Variants in PTPRD observed in about 807,000 individuals in gnomAD.
The protein encoded by PTPRD is receptor-type tyrosine-protein phosphatase delta.
Under a neutral mutation model 214.5 loss-of-function variants are expected in PTPRD, and 34 were observed. That is an observed-to-expected ratio of 0.16 (90% CI 0.12 to 0.21). The LOEUF is 0.21. Ranked by LOEUF, PTPRD falls within the 10% of genes least tolerant of loss-of-function variation. The pLI, the probability that PTPRD is intolerant of heterozygous loss-of-function variation, is 1.00. For synonymous variants in PTPRD, 1,128 were observed against 845.7 expected (o/e 1.33, Z -5.79); for missense variants, 2,545 against 2,398.7 (o/e 1.06, Z -1.27).
chr9:9,620,914 G>C lies in PTPRD; in HGVS notation c.-286-46133C>G, dbSNP rs145905755. On this transcript the variant is annotated intron_variant, in intron 7 of 45. Coordinates refer to ENST00000381196, the MANE Select transcript of PTPRD (RefSeq NM_002839.4). Reference sequence around the variant, plus strand: ...CATTAGTAGGCAAGGAAATGATATGGTACTTGGCCAACGAGGTAATAGCCT... The same window carrying C: ...CATTAGTAGGCAAGGAAATGATATGCTACTTGGCCAACGAGGTAATAGCCT... Among the ~76,000 whole-genome samples the C allele has an allele frequency of 7.4e-4, 113 of 152,066 alleles. 1 individual carries two copies. Among genetic ancestry groups the C allele is most frequent in the Admixed American group, 1.4e-3 (22 of 15,278 alleles).
chr9:9,903,275 G>A (rs981502044), intron 5 of PTPRD, among the ~76,000 whole-genome samples: 1 of 151,802 alleles, frequency 6.6e-6, no homozygotes, highest in African/African-American at 2.4e-5. Context: ...TTCTAATATT[G>A]TATGTGATGA....
intron 7 of PTPRD, 120 bp downstream of exon 7, chr9:9,734,413 G>A (rs2098256224): frequency 6.6e-6 from 1 of 151,368 alleles, no homozygotes; most frequent in Non-Finnish European, 1.5e-5. Context: ...ATGGAAATGA[G>A]GGGAGATTTT....
At chr9:10,377,188 G>C (rs1056525980) in intron 2 of PTPRD, among the ~76,000 whole-genome samples, 1 of 151,810 alleles carries the variant, frequency 6.6e-6, no homozygotes, top group Non-Finnish European at 1.5e-5. Flanking sequence ...ATTTCACTTA[G>C]CATAATGATC....
chr9:8,978,420 CAATAAATATCCACGGAATGAACT>C (rs2154338428), intron 11 of PTPRD, among the ~76,000 whole-genome samples: 1 of 152,164 alleles, frequency 6.6e-6, no homozygotes, highest in Admixed American at 6.5e-5. Context: ...ATTGGGCTCT[CAATAAATATCCACGGAATGAACT>C]ATTGGGAAAC....
intron 9 of PTPRD, among the ~76,000 whole-genome samples, chr9:9,188,808 TTGTGTGTGTGTGTGTG>T (rs5896310): frequency 2.0e-4 from 29 of 148,510 alleles, no homozygotes; most frequent in African/African-American, 6.2e-4. Flanking sequence ...GCAAAATAAA[TTGTGTGTGTGTGTGTG>T]TGTGTGTGTG....
intron 12 of PTPRD, among the ~76,000 whole-genome samples, chr9:8,642,536 G>T (rs1373738091): frequency 6.6e-6 from 1 of 152,130 alleles, no homozygotes; most frequent in Non-Finnish European, 1.5e-5. Flanking sequence ...TTTATGAGAA[G>T]ATCAGCTGAA....
chr9:8,414,392 C>CA (rs1483846186), intron 35 of PTPRD, among the ~76,000 whole-genome samples: 5 of 152,138 alleles, frequency 3.3e-5, no homozygotes, highest in Non-Finnish European at 7.3e-5. Flanking sequence ...GGCTACTTGC[C>CA]AATGACAGTT....
chr9:9,470,772 A>T (rs2094532027), intron 8 of PTPRD, among the ~76,000 whole-genome samples: 2 of 152,188 alleles, frequency 1.3e-5, no homozygotes, highest in African/African-American at 4.8e-5. Flanking sequence ...AGCCTCCTTC[A>T]TCATTTGTCT....
intron 9 of PTPRD, among the ~76,000 whole-genome samples, chr9:9,250,762 A>AAACCAT (rs2099975147): frequency 6.6e-6 from 1 of 152,096 alleles, no homozygotes; most frequent in African/African-American, 2.4e-5. Context: ...ACCAAAACCA[A>AAACCAT]AAAAGAAATA....
At chr9:9,449,832 C>T (rs2091606897) in intron 8 of PTPRD, among the ~76,000 whole-genome samples, 6 of 151,788 alleles carry the variant, frequency 4.0e-5, no homozygotes, top group Admixed American at 3.9e-4. Flanking sequence ...GTGCACTTGC[C>T]ATCTGAGCAG....
At chr9:8,713,508 G>A (rs2098390468) in intron 12 of PTPRD, 2 of 1,177,074 alleles carry the variant, frequency 1.7e-6, no homozygotes, top group South Asian at 1.2e-5. Context: ...ACTGTGGTCA[G>A]GTGTTTGAGA....
At chr9:8,593,069 G>T (rs1484028892) in intron 14 of PTPRD, among the ~76,000 whole-genome samples, 2 of 152,198 alleles carry the variant, frequency 1.3e-5, no homozygotes, top group South Asian at 2.1e-4. Flanking sequence ...GGAAAGGATG[G>T]CTGAGGAGAA....
intron 9 of PTPRD, among the ~76,000 whole-genome samples, chr9:9,208,365 G>T (rs530538938): frequency 6.6e-6 from 1 of 151,714 alleles, no homozygotes; most frequent in Admixed American, 6.6e-5. Context: ...CATAAATCTG[G>T]TTTTTAAAAG....
intron 5 of PTPRD, among the ~76,000 whole-genome samples, chr9:9,919,275 C>G (rs2081866517): frequency 6.6e-6 from 1 of 152,076 alleles, no homozygotes. Context: ...CCTTGACCTC[C>G]AGTCATCTCT....
At chr9:10,315,886 T>C (rs1036159373) in intron 3 of PTPRD, among the ~76,000 whole-genome samples, 2 of 151,918 alleles carry the variant, frequency 1.3e-5, no homozygotes, top group African/African-American at 4.8e-5. Context: ...GAAATGAGTC[T>C]TTCTCATGAA....
intron 12 of PTPRD, among the ~76,000 whole-genome samples, chr9:8,639,627 TA>T (rs1217208327): frequency 6.6e-6 from 1 of 152,210 alleles, no homozygotes; most frequent in Non-Finnish European, 1.5e-5. Flanking sequence ...TTTTAAGGGA[TA>T]CCGTTGCATT....
intron 7 of PTPRD, among the ~76,000 whole-genome samples, chr9:9,588,602 A>G (rs751130850): frequency 1.3e-5 from 2 of 152,032 alleles, no homozygotes; most frequent in Non-Finnish European, 2.9e-5. Context: ...TATTTCTTAA[A>G]GTTGCACAGA....
Position 10,172,994 on chromosome 9 carries a change from C to A in PTPRD, c.-544-139204G>T, listed in dbSNP as rs371017262. ...ATTGTCACATAAATATGACTGGAGTCTCCTTTTTCCTTTGTAAAAGTGAAG... is the reference window on the plus strand; with the variant it reads ...ATTGTCACATAAATATGACTGGAGTATCCTTTTTCCTTTGTAAAAGTGAAG... On this transcript the variant is annotated intron_variant, in intron 3 of 45. Coordinates refer to ENST00000381196, the MANE Select transcript of PTPRD (RefSeq NM_002839.4). Among the ~76,000 whole-genome samples, 13 of 152,296 alleles carry A rather than the reference C, an allele frequency of 8.5e-5. No homozygotes were observed. In the East Asian group the frequency reaches 2.3e-3, roughly 27 times the overall value.
At position 9,382,454 on chromosome 9, in the gene PTPRD, T is replaced by TA. The variant is rs559920006; in HGVS notation, c.-203+14994_-203+14995insT. Among the ~76,000 whole-genome samples the TA allele has an allele frequency of 7.0e-3, 1,061 of 152,196 alleles. 9 individuals are homozygous for TA. The highest frequency in any genetic ancestry group is 0.01 in the Non-Finnish European group (704 of 67,980). ...TGATAAAGGGCTAATATCCAAAATA[T>TA]GTAAGAATCTCCTACAACTAAATAG... On this transcript the variant is annotated intron_variant, in intron 9 of 45. Coordinates refer to ENST00000381196, the MANE Select transcript of PTPRD (RefSeq NM_002839.4).
Sources: gnomAD v4.1 joint callset for allele counts (sites outside exome capture counted in the v4.1 genomes callset) on GRCh38, gnomAD v4.1.1 for gene constraint, MANE v1.5 for transcripts, NCBI Gene and HGNC (gene_info 2026-07-23, HGNC 2026-07-21) for gene names.